DCP1B: variants seen among roughly 807,000 people sequenced by gnomAD.
DCP1B encodes the protein mRNA-decapping enzyme 1B.
In DCP1B, 47 loss-of-function variants were observed where a neutral mutation model predicts 60.5. That is an observed-to-expected ratio of 0.78 (90% CI 0.61 to 0.99). The LOEUF (loss-of-function observed/expected upper bound fraction) is 0.99. DCP1B is among the 50% of genes least tolerant of loss of function. The probability of loss-of-function intolerance (pLI) is 0.00; values close to 1 mark genes in which losing one functional copy is unlikely to be tolerated. For synonymous variants in DCP1B, 267 were observed against 280.3 expected, an observed-to-expected ratio of 0.95 and a Z score of 0.47; for missense variants, 725 against 756.8, an observed-to-expected ratio of 0.96 and a Z score of 0.49.
intron 3 of DCP1B, chr12:1,991,590 C>T: frequency 4.2e-6 from 1 of 237,112 alleles, no homozygotes; most frequent in Non-Finnish European, 8.3e-6. Context: ...GCCTGTTGGA[C>T]ACTCACAGTG....
chr12:1,952,313 A>G (rs1393890864), intron 7 of DCP1B, 103 bp downstream of exon 7: 1 of 1,365,152 alleles, frequency 7.3e-7, no homozygotes. Flanking sequence ...AGCTGGTGCT[A>G]TAGGCGTGTG....
intron 5 of DCP1B, among the ~76,000 whole-genome samples, chr12:1,958,668 A>G (rs534894595): frequency 1.8e-4 from 21 of 119,032 alleles, no homozygotes; most frequent in African/African-American, 3.6e-4. Context: ...CTGGGCAATG[A>G]CTTTTTCCAT....
intron 3 of DCP1B, among the ~76,000 whole-genome samples, chr12:1,977,206 C>T (rs1443352022): frequency 1.3e-5 from 2 of 152,140 alleles, no homozygotes; most frequent in Non-Finnish European, 2.9e-5. Flanking sequence ...GCTTTTATTC[C>T]TCCATGTAGC....
intron 3 of DCP1B, among the ~76,000 whole-genome samples, chr12:1,985,005 C>T (rs1174825645): frequency 1.3e-5 from 2 of 150,382 alleles, no homozygotes. Flanking sequence ...AGATGTAACA[C>T]AATGGTTTTC....
rs963723109 is a variant in DCP1B, at chr12:2,002,900, AAAAC to A, written c.150+1378_150+1381del. Among the ~76,000 whole-genome samples, 62 of 150,548 alleles carry A rather than the reference AAAAC, an allele frequency of 4.1e-4. No homozygotes were observed. The Middle Eastern group carries it at 0.014, about 33-fold the overall frequency. On this transcript the variant is annotated intron_variant, in intron 1 of 8. Transcript: ENST00000280665. ...GTAAAAACGAAGGTGACACCTCGAA[AAAAC>A]AAACAAACAAAAACAAACAAAAAAA... is the stretch of plus-strand genomic sequence containing the variant.
Position 1,953,156 on chromosome 12 carries a change from C to A in DCP1B, c.784G>T (p.Glu262Ter), listed in dbSNP as rs753546462. The A allele has an allele frequency of 1.3e-6, 2 of 1,562,312 alleles. No homozygotes were observed. Among genetic ancestry groups the A allele is most frequent in the Admixed American group, 3.6e-5 (2 of 55,358 alleles). ...QQQQQQQQQQ[E>*]KLPIRQGVVR... ...ACCCCCTGCCTAATTGGAAGCTTCT[C>A]TTGCTGCTGCTGCTGCTGCTGCTGC... Residue 262 changes from glutamate (E) to a stop codon, truncating the protein, a stop_gained, in exon 7 of 9, where the codon GAG becomes TAG. Transcript: ENST00000280665. LOFTEE classifies it high-confidence loss of function.
intron 3 of DCP1B, chr12:1,992,074 G>T: frequency 2.7e-6 from 1 of 370,194 alleles, no homozygotes; most frequent in Non-Finnish European, 5.7e-6. Context: ...AAAGGGTCCT[G>T]GAGTTGGAAT....
intron 1 of DCP1B, among the ~76,000 whole-genome samples, chr12:2,003,357 TAAG>T (rs927940695): frequency 5.3e-5 from 8 of 152,256 alleles, no homozygotes; most frequent in African/African-American, 1.9e-4. Flanking sequence ...TCATCAAGGC[TAAG>T]TTCTCCATAC....
intron 3 of DCP1B, among the ~76,000 whole-genome samples, chr12:1,975,765 CCA>C (rs1451044249): frequency 1.3e-5 from 2 of 152,140 alleles, no homozygotes; most frequent in Non-Finnish European, 2.9e-5. Flanking sequence ...CTGTAAATCA[CCA>C]TATATGACTT....
At chr12:1,984,717 A>G (rs756745204) in intron 3 of DCP1B, among the ~76,000 whole-genome samples, 5 of 140,172 alleles carry the variant, frequency 3.6e-5, no homozygotes, top group Non-Finnish European at 6.1e-5. Context: ...TTTCCCTTTG[A>G]TATTATTCCT....
At chr12:2,001,456 A>T (rs1593425192) in intron 1 of DCP1B, among the ~76,000 whole-genome samples, 1 of 152,348 alleles carries the variant, frequency 6.6e-6, no homozygotes, top group East Asian at 1.9e-4. Flanking sequence ...AATACTAAAA[A>T]ACCCAAAATG....
chr12:1,993,335 C>G lies in DCP1B; in HGVS notation c.248G>C (p.Arg83Thr), dbSNP rs757688888. Residue 83 changes from arginine to threonine, a missense_variant, in exon 3 of 9, where the codon AGG (arginine) becomes ACG (threonine). Arg to Thr is a moderately conservative substitution (Grantham distance 71). Coordinates refer to ENST00000280665, the MANE Select transcript of DCP1B (RefSeq NM_152640.5). Reference protein sequence around the residue: ...TIMNRLSMENRTEPITKDLDF... With the variant: ...TIMNRLSMENTTEPITKDLDF... The stretch of plus-strand genomic sequence containing the variant: ...CAAGTCTTTAGTAATAGGTTCTGTC[C>G]TATTTTCCATGCTCAGCCTATTCAT... The G allele has an allele frequency of 1.9e-6, 3 of 1,614,062 alleles. No individual in the cohort carries two copies. The highest frequency in any genetic ancestry group is 2.5e-6 in the Non-Finnish European group (3 of 1,179,968).
At chr12:1,982,995 C>A (rs1406774972) in intron 3 of DCP1B, among the ~76,000 whole-genome samples, 1 of 151,918 alleles carries the variant, frequency 6.6e-6, no homozygotes, top group Non-Finnish European at 1.5e-5. Context: ...TGAGTTAATT[C>A]TGATGATTTG....
At chr12:1,978,963 G>T (rs2470445) in intron 3 of DCP1B, among the ~76,000 whole-genome samples, 150,361 of 152,350 alleles carry the variant, frequency 0.99, 74,210 homozygotes, top group East Asian at 1. Context: ...TATTACCAGA[G>T]TTTTTTGCTA....
intron 3 of DCP1B, among the ~76,000 whole-genome samples, chr12:1,985,961 C>A (rs1156229202): frequency 6.6e-6 from 1 of 152,144 alleles, no homozygotes; most frequent in Non-Finnish European, 1.5e-5. Flanking sequence ...CAGGTGCCTG[C>A]CACCACACTT....
intron 3 of DCP1B, chr12:1,990,984 CAAA>C (rs58516806): frequency 1.7e-3 from 551 of 323,206 alleles, no homozygotes; most frequent in Middle Eastern, 4.8e-3. Flanking sequence ...ATAGAAAGGA[CAAA>C]AAAAAAAAAA....
chr12:1,980,938 G>A (rs985772677), intron 3 of DCP1B, among the ~76,000 whole-genome samples: 4 of 151,520 alleles, frequency 2.6e-5, no homozygotes, highest in Non-Finnish European at 4.4e-5. Context: ...CAAGTTGAAG[G>A]AGACATCCAT....
chr12:1,946,371 C>G (rs2030423531), intron 8 of DCP1B, 85 bp from the exon 9 acceptor site: 1 of 984,418 alleles, frequency 1.0e-6, no homozygotes, highest in Non-Finnish European at 1.5e-6. Flanking sequence ...CTGAACTGGC[C>G]TTTGGATACT....
chr12:1,974,881 T>G (rs1212297452), intron 3 of DCP1B, among the ~76,000 whole-genome samples: 1 of 152,192 alleles, frequency 6.6e-6, no homozygotes, highest in Admixed American at 6.5e-5. Context: ...CATGTCTATT[T>G]ATGCTTAAGC....
Sources: allele counts gnomAD v4.1 joint callset (sites outside exome capture counted in the v4.1 genomes callset), GRCh38; gene constraint gnomAD v4.1.1; transcripts MANE v1.5; gene names NCBI Gene and HGNC (gene_info 2026-07-23, HGNC 2026-07-21).